The following CKMT1B variants were observed in gnomAD, a reference collection of about 807,000 sequenced individuals.
The protein encoded by CKMT1B is creatine kinase U-type, mitochondrial.
CKMT1B carries 13 observed loss-of-function variants against 21.8 expected under a neutral mutation model. That is an observed-to-expected ratio of 0.60 (90% CI 0.39 to 0.95). The LOEUF (loss-of-function observed/expected upper bound fraction) is 0.95, where lower values mean the gene tolerates loss of function less well. Among genes scored for constraint, CKMT1B ranks in the 40% least tolerant of loss-of-function variants. CKMT1B has a pLI of 0.00. For missense variants in CKMT1B, 157 were observed against 227.5 expected (o/e 0.69, Z 1.99); for synonymous variants, 50 against 80.3 (o/e 0.62, Z 2.02).
At chr15:43,596,360 C>G in intron 5 of CKMT1B, 48 bp from the exon 6 acceptor site, 1 of 1,455,006 alleles carries the variant, frequency 6.9e-7, no homozygotes, top group Non-Finnish European at 9.3e-7. Context: ...CTCTATCTCT[C>G]CCAATTCTTG....
chr15:43,598,151 A>C, intron 6 of CKMT1B, 42 bp from the exon 7 acceptor site: 1 of 1,608,464 alleles, frequency 6.2e-7, no homozygotes, highest in Non-Finnish European at 8.5e-7. Context: ...GGGTTAATGA[A>C]ATATCCCTGA....
chr15:43,599,147 T>C lies in CKMT1B; in HGVS notation c.1138-10T>C. 6.2e-7 allele frequency: 1 copy of C among 1,613,664 alleles called. No individual in the cohort carries two copies. On this transcript the variant is annotated splice_polypyrimidine_tract_variant and intron_variant, in intron 8 of 8. Coordinates refer to ENST00000441322, the MANE Select transcript of CKMT1B (RefSeq NM_001375484.1). ...CTGTAGGAAGCAGATCAAAGATTAG[T>C]GTCCCTTAGGTGGAGCTGGTGCAAC...
rs932722903 is a variant in CKMT1B, at chr15:43,598,419, A to G, written c.1011+92A>G. 61 of 1,583,320 alleles carry G rather than the reference A, an allele frequency of 3.9e-5. 8 individuals are homozygous for G. The African/African-American group carries it at 7.0e-4, about 18-fold the overall frequency. On this transcript the variant is annotated intron_variant, in intron 7 of 8. Coordinates refer to ENST00000441322, the MANE Select transcript of CKMT1B (RefSeq NM_001375484.1). ...TGGACCCTTTGGAAAGGAGCCAAACATGTTGTGGCTAAAGGGTCAGAGGAC... is the reference window on the plus strand; with the variant it reads ...TGGACCCTTTGGAAAGGAGCCAAACGTGTTGTGGCTAAAGGGTCAGAGGAC...
chr15:43,599,090 G>A, intron 8 of CKMT1B, 67 bp from the exon 9 acceptor site: 1 of 1,599,088 alleles, frequency 6.3e-7, no homozygotes, highest in South Asian at 1.1e-5. Context: ...AAATGAGCAG[G>A]CAAGTCAGTC....
At chr15:43,598,626 G>A (rs563498942) in intron 7 of CKMT1B, among the ~76,000 whole-genome samples, 2,753 of 148,152 alleles carry the variant, frequency 0.019, 336 homozygotes, top group African/African-American at 0.068. Flanking sequence ...TTAAGCCTGG[G>A]AAGTCGAGGC....
In CKMT1B at chr15:43,599,174, G is replaced by C. The variant is rs200140764; in HGVS notation, c.1155G>C (p.Leu385=). The C allele has an allele frequency of 9.3e-5, 150 of 1,613,580 alleles. No individual in the cohort carries two copies. Among genetic ancestry groups the C allele is most frequent in the Non-Finnish European group, 1.2e-4 (147 of 1,179,874 alleles). The change falls in exon 9 of 9, where the codon CTG becomes CTC. Residue 385 remains leucine, a synonymous_variant. Transcript: ENST00000441322. ...LGKSEVELVQ[L]VIDGVNYLID... Reference sequence around the variant, plus strand: ...TCCCTTAGGTGGAGCTGGTGCAACTGGTCATCGATGGAGTAAACTATTTGA... The same window carrying C: ...TCCCTTAGGTGGAGCTGGTGCAACTCGTCATCGATGGAGTAAACTATTTGA...
In CKMT1B at chr15:43,596,509, G is replaced by T. The variant is rs2141506298; in HGVS notation, c.854G>T (p.Arg285Ile). The T allele has an allele frequency of 6.2e-7, 1 of 1,607,184 alleles. No homozygotes were observed. The highest frequency in any genetic ancestry group is 2.3e-5 in the East Asian group (1 of 43,426). Residue 285 changes from arginine (R) to isoleucine (I), a missense_variant, in exon 6 of 9, where the codon AGA becomes ATA. Arg to Ile is a moderately conservative substitution (Grantham distance 97). Coordinates refer to ENST00000441322, the MANE Select transcript of CKMT1B (RefSeq NM_001375484.1). The part of the protein sequence containing the change: ...KGGNMKRVFE[R>I]FCRGLKEVER... ...GGTAACATGAAGAGAGTGTTTGAAA[G>T]ATTCTGCCGAGGCCTCAAAGAGGTT...
At chr15:43,597,264 CAAGT>C (rs1269706481) in intron 6 of CKMT1B, 1 of 360,636 alleles carries the variant, frequency 2.8e-6, no homozygotes, top group Non-Finnish European at 4.7e-6. Flanking sequence ...CTATTTTTGG[CAAGT>C]AATAGATAAC....
At chr15:43,597,326 T>G (rs527983292) in intron 6 of CKMT1B, 2 of 878,528 alleles carry the variant, frequency 2.3e-6, no homozygotes, top group South Asian at 3.3e-5. Context: ...ATTATATGCC[T>G]CAGTTTCCTC....
chr15:43,597,498 T>A, intron 6 of CKMT1B: 1 of 1,265,484 alleles, frequency 7.9e-7, no homozygotes, highest in Non-Finnish European at 1.0e-6. Context: ...ATGTTCAGCA[T>A]GTAAGATATC....
At chr15:43,596,721 T>C in intron 6 of CKMT1B, 190 bp downstream of exon 6, 1 of 854,476 alleles carries the variant, frequency 1.2e-6, no homozygotes, top group Non-Finnish European at 1.8e-6. Flanking sequence ...GGACATGTGG[T>C]CACACTAAGA....
At position 43,599,014 on chromosome 15, in the gene CKMT1B, G is replaced by A; in HGVS notation, c.1137+62G>A. 2 of 1,603,168 alleles carry A rather than the reference G, an allele frequency of 1.2e-6. 1 individual carries two copies. Among genetic ancestry groups the A allele is most frequent in the Non-Finnish European group, 1.7e-6 (2 of 1,173,616 alleles). On this transcript the variant is annotated intron_variant, in intron 8 of 8. Coordinates refer to ENST00000441322, the MANE Select transcript of CKMT1B (RefSeq NM_001375484.1). ...GGTCTGCGAGGGCCGAAATATGGCAGTGAGTGAGCCTCCGGGATGTAAGAT... is the reference window on the plus strand; with the variant it reads ...GGTCTGCGAGGGCCGAAATATGGCAATGAGTGAGCCTCCGGGATGTAAGAT...
chr15:43,597,062 T>C (rs2085582020), intron 6 of CKMT1B, among the ~76,000 whole-genome samples: 1 of 147,178 alleles, frequency 6.8e-6, no homozygotes, highest in Non-Finnish European at 1.5e-5. Flanking sequence ...GTTCAAGTTC[T>C]AGAATATGTG....
intron 6 of CKMT1B, chr15:43,597,698 C>T: frequency 1.7e-5 from 17 of 1,018,542 alleles, no homozygotes; most frequent in Non-Finnish European, 1.9e-5. Context: ...GGCTTTTCTG[C>T]TCTGTTTTCA....
chr15:43,598,414 C>G (rs2085615289), intron 7 of CKMT1B, 87 bp downstream of exon 7: 1 of 1,588,824 alleles, frequency 6.3e-7, no homozygotes, highest in African/African-American at 1.4e-5. Context: ...GGAAAGGAGC[C>G]AAACATGTTG....
Position 43,599,191 on chromosome 15 carries a change from A to C in CKMT1B, c.1172A>C (p.Asn391Thr). Residue 391 changes from asparagine (N) to threonine (T), a missense_variant, in exon 9 of 9, where the codon AAC (asparagine) becomes ACC (threonine). Physicochemically the swap from Asn to Thr is moderately conservative, Grantham distance 65. Coordinates refer to ENST00000441322, the MANE Select transcript of CKMT1B (RefSeq NM_001375484.1). Reference sequence around the variant, plus strand: ...GTGCAACTGGTCATCGATGGAGTAAACTATTTGATTGATTGTGAACGGCGT... The same window carrying C: ...GTGCAACTGGTCATCGATGGAGTAACCTATTTGATTGATTGTGAACGGCGT... ...ELVQLVIDGV[N>T]YLIDCERRLE... 2 of 1,613,604 alleles carry C rather than the reference A, an allele frequency of 1.2e-6. No individual in the cohort carries two copies. Among genetic ancestry groups the C allele is most frequent in the Non-Finnish European group, 8.5e-7 (1 of 1,179,828 alleles).
chr15:43,599,374 T>C lies in CKMT1B; in HGVS notation c.*101T>C. 6.3e-7 allele frequency: 1 copy of C among 1,584,772 alleles called. No homozygotes were observed. Among genetic ancestry groups the C allele is most frequent in the Non-Finnish European group, 8.6e-7 (1 of 1,161,598 alleles). Reference sequence around the variant, plus strand: ...TGGACCTGCCCCCGCATCCCCTGCCTCCATCCTAGTAAAGACTCCTTGCTA... The same window carrying C: ...TGGACCTGCCCCCGCATCCCCTGCCCCCATCCTAGTAAAGACTCCTTGCTA... On this transcript the variant is annotated 3_prime_UTR_variant, in exon 9 of 9. Coordinates refer to ENST00000441322, the MANE Select transcript of CKMT1B (RefSeq NM_001375484.1).
In CKMT1B at chr15:43,595,866, G is replaced by T. The variant is rs1364164687; in HGVS notation, c.455G>T (p.Gly152Val). ...TDLDASKIRS[G>V]YFDERYVLSS... ...TCCCTTATCTCCCAGATCCGTTCTG[G>T]CTACTTTGATGAGAGGTATGTATTG... The change falls in exon 4 of 9, where the codon GGC becomes GTC. Residue 152 changes from glycine (G) to valine (V), a missense_variant. Gly to Val is a moderately radical substitution (Grantham distance 109). Transcript: ENST00000441322. 4 of 44,154 alleles carry T rather than the reference G, an allele frequency of 9.1e-5. No individual in the cohort carries two copies. The African/African-American group carries it at 1.6e-3, about 18-fold the overall frequency. The allele number at this position is 44,154 out of a possible 1,614,324, so 2.7% of individuals were successfully genotyped here. A position where few individuals can be genotyped will look rare whatever the true frequency, so the allele number is the denominator to read the frequency against.
intron 6 of CKMT1B, chr15:43,597,718 G>T: frequency 9.8e-7 from 1 of 1,019,636 alleles, no homozygotes. Flanking sequence ...ATCTTTCTCT[G>T]CATTCACACA....
Sources: allele counts gnomAD v4.1 joint callset (sites outside exome capture counted in the v4.1 genomes callset), GRCh38; gene constraint gnomAD v4.1.1; transcripts MANE v1.5; gene names NCBI Gene and HGNC (gene_info 2026-07-23, HGNC 2026-07-21).